The following KIF5B variants were observed in gnomAD, a reference collection of about 807,000 sequenced individuals.
KIF5B encodes the protein kinesin-1 heavy chain.
Under a neutral mutation model 132.8 loss-of-function variants are expected in KIF5B, and 49 were observed. The observed-to-expected ratio is 0.37, with a 90% CI of 0.29 to 0.47. The LOEUF is 0.47. KIF5B is among the 20% of genes least tolerant of loss of function. The probability of loss-of-function intolerance (pLI) is 1.00; values close to 1 mark genes in which losing one functional copy is unlikely to be tolerated. For missense variants in KIF5B, 780 were observed against 1,144.0 expected (o/e 0.68, Z 4.59); for synonymous variants, 355 against 369.4 (o/e 0.96, Z 0.45).
chr10:32,036,094 G>A, intron 8 of KIF5B, 100 bp from the exon 9 acceptor site: 3 of 671,916 alleles, frequency 4.5e-6, no homozygotes, highest in South Asian at 3.2e-5. Flanking sequence ...CAGTAAAAAA[G>A]AAAAAAGAAC....
At chr10:32,023,931 T>C (rs78002760) in intron 15 of KIF5B, among the ~76,000 whole-genome samples, 3,943 of 151,752 alleles carry the variant, frequency 0.026, 178 homozygotes, top group African/African-American at 0.091. Context: ...CTAGGTGATA[T>C]TGGGTTTGGT....
chr10:32,038,654 A>T (rs1264095489), intron 5 of KIF5B, 124 bp downstream of exon 5: 4 of 634,214 alleles, frequency 6.3e-6, no homozygotes, highest in East Asian at 2.9e-5. Flanking sequence ...AAGAAAAAAA[A>T]TTTTGTCTAT....
Position 32,037,396 on chromosome 10 carries a change from A to C in KIF5B, c.587-18T>G. On this transcript the variant is annotated intron_variant, in intron 7 of 25. Coordinates refer to ENST00000302418, the MANE Select transcript of KIF5B (RefSeq NM_004521.3). Reference sequence around the variant, plus strand: ...ATTCATATCTGCAAGGAAATTACACAAACAAATATAAACAAACATGATTTC... The same window carrying C: ...ATTCATATCTGCAAGGAAATTACACCAACAAATATAAACAAACATGATTTC... 1 of 1,606,710 alleles carries C rather than the reference A, an allele frequency of 6.2e-7. No individual in the cohort carries two copies.
intron 13 of KIF5B, among the ~76,000 whole-genome samples, 176 bp downstream of exon 13, chr10:32,032,530 T>C (rs1841414857): frequency 6.6e-6 from 1 of 152,226 alleles, no homozygotes; most frequent in African/African-American, 2.4e-5. Flanking sequence ...AACAACAGAT[T>C]GTATCTGGGT....
At chr10:32,012,606 C>A (rs574628134) in intron 25 of KIF5B, among the ~76,000 whole-genome samples, 1 of 152,304 alleles carries the variant, frequency 6.6e-6, no homozygotes, top group South Asian at 2.1e-4. Context: ...TACATCATAA[C>A]TTTCAAGTCT....
At chr10:32,013,207 G>T (rs371370295) in intron 25 of KIF5B, among the ~76,000 whole-genome samples, 2 of 152,256 alleles carry the variant, frequency 1.3e-5, no homozygotes, top group South Asian at 2.1e-4. Context: ...GCCAACTCAT[G>T]TAATTCTTAA....
intron 10 of KIF5B, 114 bp downstream of exon 10, chr10:32,035,408 G>C (rs1841449922): frequency 2.4e-6 from 2 of 816,382 alleles, no homozygotes; most frequent in Non-Finnish European, 3.7e-6. Context: ...TTCAAACTGA[G>C]TGTGTCTAGC....
intron 1 of KIF5B, among the ~76,000 whole-genome samples, chr10:32,051,794 ACT>A (rs1841698323): frequency 1.3e-5 from 2 of 152,150 alleles, no homozygotes; most frequent in African/African-American, 4.8e-5. Context: ...GAAAATCAAG[ACT>A]CTGTGAAACA....
intron 24 of KIF5B, among the ~76,000 whole-genome samples, chr10:32,016,013 G>A (rs893970868): frequency 1.3e-5 from 2 of 152,054 alleles, no homozygotes; most frequent in East Asian, 1.9e-4. Context: ...GTGTGGTGGC[G>A]TGCACCTGTA....
rs1403074255 is a variant in KIF5B, at chr10:32,011,183, C to T, written c.*354G>A. The T allele has an allele frequency of 6.6e-6, 1 of 152,380 alleles. No homozygotes were observed. Among genetic ancestry groups the T allele is most frequent in the Non-Finnish European group, 1.5e-5 (1 of 67,944 alleles). 9.4% of individuals were successfully genotyped at this position (152,380 alleles called of 1,614,324 possible). A position where few individuals can be genotyped will look rare whatever the true frequency, so the allele number is the denominator to read the frequency against. On this transcript the variant is annotated 3_prime_UTR_variant, in exon 26 of 26. Transcript: ENST00000302418. The stretch of plus-strand genomic sequence containing the variant: ...ACTGAGATTAAAAAATAAACATACA[C>T]AAAAAATACAAAAAGTACAGTCCTA...
In KIF5B at chr10:32,019,544, T is replaced by C. The variant is rs1841229473; in HGVS notation, c.2306+314A>G. On this transcript the variant is annotated intron_variant, in intron 20 of 25. Coordinates refer to ENST00000302418, the MANE Select transcript of KIF5B (RefSeq NM_004521.3). ...TGTTAGATCTTAAAATCTTCGAAGT[T>C]ACTTAATATATTGTTTTAGGTTCAT... is the stretch of plus-strand genomic sequence containing the variant. Among the ~76,000 whole-genome samples, 3 of 152,180 alleles carry C rather than the reference T, an allele frequency of 2.0e-5. No individual in the cohort carries two copies. The South Asian group carries it at 6.2e-4, about 31-fold the overall frequency.
chr10:32,014,569 G>GAC (rs747073097), intron 25 of KIF5B, among the ~76,000 whole-genome samples: 22 of 150,958 alleles, frequency 1.5e-4, no homozygotes, highest in Non-Finnish European at 3.1e-4. Flanking sequence ...GAGAGAGAGA[G>GAC]ATAGTATATT....
At chr10:32,045,194 A>G (rs1376098368) in intron 2 of KIF5B, among the ~76,000 whole-genome samples, 4 of 152,174 alleles carry the variant, frequency 2.6e-5, no homozygotes, top group African/African-American at 9.7e-5. Flanking sequence ...ACAAGAGAAG[A>G]GACAGAACTC....
chr10:32,044,805 T>G (rs764009010), intron 2 of KIF5B, among the ~76,000 whole-genome samples: 1 of 152,180 alleles, frequency 6.6e-6, no homozygotes, highest in African/African-American at 2.4e-5. Flanking sequence ...GTTAGGTAAC[T>G]TGCCAAAAGT....
chr10:32,034,230 G>A (rs971081911), intron 11 of KIF5B, among the ~76,000 whole-genome samples, 192 bp from the exon 12 acceptor site: 20 of 151,468 alleles, frequency 1.3e-4, no homozygotes, highest in Middle Eastern at 3.4e-3. Context: ...ACTGCCTCAA[G>A]ACTCCTGATT....
chr10:32,046,798 A>G (rs1841615655), intron 2 of KIF5B, among the ~76,000 whole-genome samples: 1 of 152,118 alleles, frequency 6.6e-6, no homozygotes, highest in African/African-American at 2.4e-5. Context: ...TGCTTCCATA[A>G]TCTCAATTTC....
chr10:32,035,981 CCA>C lies in KIF5B; in HGVS notation c.723_724del (p.Gly242SerfsTer2), dbSNP rs752936054. The C allele has an allele frequency of 6.3e-7, 1 of 1,599,812 alleles. No homozygotes were observed. Among genetic ancestry groups the C allele is most frequent in the African/African-American group, 1.3e-5 (1 of 74,394 alleles). ...TTCATCCAGCACAGCACCTTCAGCT[CCA>C]GTTTTACTAACCTATACATAAGATT... On this transcript the variant is annotated frameshift_variant, in exon 9 of 26. Coordinates refer to ENST00000302418, the MANE Select transcript of KIF5B (RefSeq NM_004521.3). LOFTEE classifies it high-confidence loss of function.
At chr10:32,017,896 T>C (rs1841197094) in intron 23 of KIF5B, among the ~76,000 whole-genome samples, 156 bp downstream of exon 23, 1 of 152,348 alleles carries the variant, frequency 6.6e-6, no homozygotes, top group East Asian at 1.9e-4. Flanking sequence ...TTAACTCCTC[T>C]AAAAGTTACT....
intron 2 of KIF5B, among the ~76,000 whole-genome samples, chr10:32,047,603 AAT>A (rs1841629913): frequency 6.6e-6 from 1 of 152,020 alleles, no homozygotes; most frequent in Non-Finnish European, 1.5e-5. Context: ...AAATTGATAT[AAT>A]GAGTACATAC....
Sources: gnomAD v4.1 joint callset for allele counts (sites outside exome capture counted in the v4.1 genomes callset) on GRCh38, gnomAD v4.1.1 for gene constraint, MANE v1.5 for transcripts, NCBI Gene and HGNC (gene_info 2026-07-23, HGNC 2026-07-21) for gene names.